Variants in DYNC1I1 observed in about 807,000 individuals in gnomAD.
DYNC1I1 encodes the protein dynein cytoplasmic 1 intermediate chain 1.
In DYNC1I1, 43 loss-of-function variants were observed where a neutral mutation model predicts 86.6. The ratio of observed to expected loss-of-function variants is 0.50; its 90% confidence interval spans 0.39 to 0.64. The LOEUF is 0.64. Among genes scored for constraint, DYNC1I1 ranks in the 30% least tolerant of loss-of-function variants. DYNC1I1 has a pLI of 0.00. For missense variants in DYNC1I1, 604 were observed against 788.8 expected (o/e 0.77, Z 2.81); for synonymous variants, 262 against 283.7 (o/e 0.92, Z 0.77).
At chr7:95,976,253 T>C (rs1320464482) in intron 6 of DYNC1I1, among the ~76,000 whole-genome samples, 2 of 152,190 alleles carry the variant, frequency 1.3e-5, no homozygotes, top group Non-Finnish European at 2.9e-5. Context: ...CTATAGAGTA[T>C]GATATTTCAA....
intron 2 of DYNC1I1, among the ~76,000 whole-genome samples, chr7:95,809,833 T>C (rs1052598400): frequency 6.6e-6 from 1 of 152,200 alleles, no homozygotes; most frequent in Non-Finnish European, 1.5e-5. Context: ...CCAAGACATA[T>C]CAATATTGAT....
intron 4 of DYNC1I1, among the ~76,000 whole-genome samples, chr7:95,819,641 T>A (rs991432058): frequency 1.3e-5 from 2 of 152,130 alleles, no homozygotes; most frequent in African/African-American, 2.4e-5. Flanking sequence ...ATAAGACTAT[T>A]AAAATTTTGC....
chr7:95,786,334 A>G (rs1359207757), intron 1 of DYNC1I1, among the ~76,000 whole-genome samples: 1 of 152,134 alleles, frequency 6.6e-6, no homozygotes, highest in Non-Finnish European at 1.5e-5. Context: ...TCGCATGTCA[A>G]TGTCTGGCTC....
chr7:95,985,645 G>C (rs1379748941), intron 8 of DYNC1I1, among the ~76,000 whole-genome samples: 4 of 152,118 alleles, frequency 2.6e-5, no homozygotes, highest in Admixed American at 6.6e-5. Flanking sequence ...AAATATAGCT[G>C]TTCTTAGCCA....
intron 14 of DYNC1I1, among the ~76,000 whole-genome samples, chr7:96,053,640 A>C (rs1326498428): frequency 6.6e-6 from 1 of 152,164 alleles, no homozygotes; most frequent in Non-Finnish European, 1.5e-5. Context: ...TTTGTCTTAG[A>C]TCTCAGGAAA....
At chr7:95,885,144 A>G (rs889395344) in intron 6 of DYNC1I1, among the ~76,000 whole-genome samples, 1 of 152,096 alleles carries the variant, frequency 6.6e-6, no homozygotes, top group Non-Finnish European at 1.5e-5. Context: ...ATGTCATTTT[A>G]GAATTCTTAT....
At chr7:95,805,172 T>A (rs950797699) in intron 2 of DYNC1I1, among the ~76,000 whole-genome samples, 49 of 152,242 alleles carry the variant, frequency 3.2e-4, no homozygotes, top group African/African-American at 1.1e-3. Context: ...CTATTTTTAA[T>A]ATGAGAACAA....
chr7:95,895,022 C>T (rs780517250), intron 6 of DYNC1I1, among the ~76,000 whole-genome samples: 13 of 152,142 alleles, frequency 8.5e-5, no homozygotes, highest in Admixed American at 7.2e-4. Flanking sequence ...CATCAATTTG[C>T]TGAGCATACT....
chr7:96,101,197 T>C (rs1791130509), downstream of DYNC1I1, among the ~76,000 whole-genome samples: 1 of 151,986 alleles, frequency 6.6e-6, no homozygotes, highest in Non-Finnish European at 1.5e-5. Context: ...GTTGTGGGAG[T>C]AATTAAAAGA....
In DYNC1I1 at chr7:95,854,224, T is replaced by C. The variant is rs886870277; in HGVS notation, c.375-15659T>C. 2.0e-4 allele frequency among the ~76,000 whole-genome samples: 31 copies of C among 152,188 alleles called. 1 individual carries two copies. The highest frequency in any genetic ancestry group is 2.0e-3 in the Admixed American group (31 of 15,276). ...TGTAGACCCTCTGTTCTTTTCTTCC[T>C]GTCTTGCTGTGTTCCTTTGTAGTTA... On this transcript the variant is annotated intron_variant, in intron 5 of 16. Transcript: ENST00000447467.
intron 10 of DYNC1I1, among the ~76,000 whole-genome samples, chr7:96,004,954 G>T (rs980587948): frequency 2.6e-5 from 4 of 152,148 alleles, no homozygotes; most frequent in African/African-American, 7.2e-5. Flanking sequence ...CAAATCTTAT[G>T]ATTGCTCTTA....
intron 5 of DYNC1I1, among the ~76,000 whole-genome samples, chr7:95,860,485 C>A (rs963872309): frequency 3.9e-5 from 6 of 152,152 alleles, no homozygotes; most frequent in African/African-American, 7.2e-5. Context: ...ATGTGAATAG[C>A]AGGAATAAAA....
chr7:96,076,271 C>G, intron 15 of DYNC1I1, 74 bp downstream of exon 15: 2 of 1,566,162 alleles, frequency 1.3e-6, no homozygotes, highest in Non-Finnish European at 1.7e-6. Context: ...GTCTCTCCCT[C>G]TTTCTCCAAA....
rs1206942648 is a variant in DYNC1I1 at position 95,876,753 on chromosome 7, T to C, written c.490+6755T>C. On this transcript the variant is annotated intron_variant, in intron 6 of 16. Transcript: ENST00000447467. Reference sequence around the variant, plus strand: ...ATTCCCTGGAGAGTAACAACTGATATGTTGACTTACTTAAGAAACATCTAA... The same window carrying C: ...ATTCCCTGGAGAGTAACAACTGATACGTTGACTTACTTAAGAAACATCTAA... Among the ~76,000 whole-genome samples, 14 of 152,262 alleles carry C rather than the reference T, an allele frequency of 9.2e-5. No individual in the cohort carries two copies. In the East Asian group the frequency reaches 2.7e-3, roughly 29 times the overall value.
chr7:95,941,069 A>G (rs978724172), intron 6 of DYNC1I1, among the ~76,000 whole-genome samples: 1 of 152,202 alleles, frequency 6.6e-6, no homozygotes, highest in Non-Finnish European at 1.5e-5. Flanking sequence ...TCCACTCCAG[A>G]CACTGTTTGC....
intron 13 of DYNC1I1, among the ~76,000 whole-genome samples, chr7:96,038,579 T>C (rs1001979526): frequency 6.6e-6 from 1 of 152,230 alleles, no homozygotes; most frequent in Non-Finnish European, 1.5e-5. Context: ...CAAATATTTA[T>C]TGAGCACTTA....
At chr7:95,874,186 C>G (rs1790244560) in intron 6 of DYNC1I1, among the ~76,000 whole-genome samples, 1 of 152,152 alleles carries the variant, frequency 6.6e-6, no homozygotes, top group Admixed American at 6.5e-5. Context: ...TAAAGATCAC[C>G]ATAGAAGAAA....
chr7:95,933,065 A>G (rs919730268), intron 6 of DYNC1I1, among the ~76,000 whole-genome samples: 1 of 152,020 alleles, frequency 6.6e-6, no homozygotes, highest in East Asian at 1.9e-4. Flanking sequence ...ATGTTTTAGT[A>G]GAGATGGGGG....
At chr7:95,980,066 G>A (rs1208382923) in intron 7 of DYNC1I1, among the ~76,000 whole-genome samples, 1 of 152,116 alleles carries the variant, frequency 6.6e-6, no homozygotes. Context: ...CAATCTCCAA[G>A]TCGTCTTCTC....
Sources: gnomAD v4.1 joint callset for allele counts (sites outside exome capture counted in the v4.1 genomes callset) on GRCh38, gnomAD v4.1.1 for gene constraint, MANE v1.5 for transcripts, NCBI Gene and HGNC (gene_info 2026-07-23, HGNC 2026-07-21) for gene names.